Variants in CDIN1 observed in about 807,000 individuals in gnomAD.
The protein encoded by CDIN1 is CDAN1 interacting nuclease 1.
In CDIN1, 33 loss-of-function variants were observed where a neutral mutation model predicts 45.3. The ratio of observed to expected loss-of-function variants is 0.73; its 90% CI spans 0.55 to 0.97. The LOEUF is 0.97. Among genes scored for constraint, CDIN1 ranks in the 50% least tolerant of loss-of-function variants. CDIN1 has a pLI of 0.00. For missense variants in CDIN1, 303 were observed against 339.4 expected (o/e 0.89, Z 0.84); for synonymous variants, 118 against 124.4 (o/e 0.95, Z 0.34).
chr15:36,596,515 G>T (rs1371693916), intron 1 of CDIN1, among the ~76,000 whole-genome samples: 1 of 152,022 alleles, frequency 6.6e-6, no homozygotes, highest in Non-Finnish European at 1.5e-5. Context: ...AATTAAGGTA[G>T]TAATTTTTGC....
chr15:36,630,572 C>T (rs2039638294), intron 1 of CDIN1, among the ~76,000 whole-genome samples: 1 of 152,202 alleles, frequency 6.6e-6, no homozygotes, highest in Admixed American at 6.5e-5. Flanking sequence ...ATGCCACCCT[C>T]CCTATTGTTT....
chr15:36,606,989 T>C (rs370832934), intron 1 of CDIN1, among the ~76,000 whole-genome samples: 28 of 152,336 alleles, frequency 1.8e-4, no homozygotes, highest in South Asian at 6.2e-4. Context: ...AGTTGATTTA[T>C]TAACTCTCTA....
At chr15:36,654,326 G>T (rs969123215) in intron 4 of CDIN1, among the ~76,000 whole-genome samples, 168 bp downstream of exon 4, 2 of 152,108 alleles carry the variant, frequency 1.3e-5, no homozygotes, top group African/African-American at 2.4e-5. Flanking sequence ...ATTGGACAAA[G>T]AACTTCACAT....
intron 1 of CDIN1, among the ~76,000 whole-genome samples, chr15:36,632,900 G>A (rs1233614618): frequency 6.6e-6 from 1 of 152,204 alleles, no homozygotes; most frequent in African/African-American, 2.4e-5. Flanking sequence ...GAAATTAAGT[G>A]TCACACAAGC....
intron 10 of CDIN1, among the ~76,000 whole-genome samples, chr15:36,773,089 G>GA (rs1001589207): frequency 6.6e-6 from 1 of 151,964 alleles, no homozygotes; most frequent in East Asian, 1.9e-4. Flanking sequence ...GGAGGTTCAG[G>GA]AAAAAAATAT....
chr15:36,681,957 C>T (rs950092453), intron 5 of CDIN1, among the ~76,000 whole-genome samples: 2 of 151,916 alleles, frequency 1.3e-5, no homozygotes, highest in African/African-American at 4.8e-5. Flanking sequence ...AGAAGCAATG[C>T]TGAAAAAGGA....
At chr15:36,621,579 A>G (rs2039193896) in intron 1 of CDIN1, among the ~76,000 whole-genome samples, 1 of 152,146 alleles carries the variant, frequency 6.6e-6, no homozygotes, top group South Asian at 2.1e-4. Context: ...TAGGTCCTTT[A>G]AAAAAATGTA....
intron 1 of CDIN1, among the ~76,000 whole-genome samples, chr15:36,581,721 T>G (rs1037479): frequency 0.47 from 70,642 of 151,806 alleles, 16,796 homozygotes; most frequent in Admixed American, 0.55. Flanking sequence ...CTAATAAAAA[T>G]CCAAAAAATT....
At chr15:36,651,151 C>T (rs1003165175) in intron 3 of CDIN1, among the ~76,000 whole-genome samples, 1 of 151,898 alleles carries the variant, frequency 6.6e-6, no homozygotes, top group Non-Finnish European at 1.5e-5. Flanking sequence ...ATGAATTCTC[C>T]TGGGCATTAG....
chr15:36,701,520 G>A (rs992334794), intron 8 of CDIN1, among the ~76,000 whole-genome samples: 2 of 152,036 alleles, frequency 1.3e-5, no homozygotes, highest in African/African-American at 4.8e-5. Context: ...ATGAAAGAGC[G>A]CATACAAAAG....
chr15:36,627,461 G>A (rs1245294449), intron 1 of CDIN1: 3 of 157,266 alleles, frequency 1.9e-5, no homozygotes, highest in Middle Eastern at 1.2e-3. Flanking sequence ...AGTCACGCCC[G>A]CCTTGTCCAG....
At chr15:36,800,923 A>ATATATC (rs2055021027) in intron 10 of CDIN1, among the ~76,000 whole-genome samples, 1 of 100,348 alleles carries the variant, frequency 1.0e-5, no homozygotes, top group Non-Finnish European at 1.9e-5. Context: ...ATATATATAT[A>ATATATC]TATATATATA....
chr15:36,651,158 T>G (rs973735070), intron 3 of CDIN1, among the ~76,000 whole-genome samples: 1 of 152,154 alleles, frequency 6.6e-6, no homozygotes, highest in African/African-American at 2.4e-5. Flanking sequence ...CTCCTGGGCA[T>G]TAGGAATGGA....
chr15:36,673,319 A>G (rs1356112604), intron 5 of CDIN1, among the ~76,000 whole-genome samples: 4 of 152,240 alleles, frequency 2.6e-5, no homozygotes, highest in South Asian at 4.1e-4. Context: ...GAGATTCATC[A>G]TGGAAAATCA....
At chr15:36,746,668 TCC>T (rs1566946711) in intron 10 of CDIN1, among the ~76,000 whole-genome samples, 2 of 48,964 alleles carry the variant, frequency 4.1e-5, no homozygotes, top group African/African-American at 1.1e-4. Context: ...AATATATGGT[TCC>T]ACACACACAC....
At chr15:36,581,060 T>C (rs977068490) in intron 1 of CDIN1, among the ~76,000 whole-genome samples, 2 of 152,244 alleles carry the variant, frequency 1.3e-5, no homozygotes, top group African/African-American at 4.8e-5. Context: ...AGATTTGATT[T>C]AGGGCAATAT....
intron 1 of CDIN1, among the ~76,000 whole-genome samples, chr15:36,596,062 A>G (rs1048689979): frequency 2.0e-5 from 3 of 152,218 alleles, no homozygotes; most frequent in Admixed American, 2.0e-4. Context: ...TTGCCTACAC[A>G]AAAAAGAGGG....
At chr15:36,688,286 G>C (rs1232083800) in intron 5 of CDIN1, among the ~76,000 whole-genome samples, 4 of 151,650 alleles carry the variant, frequency 2.6e-5, no homozygotes, top group African/African-American at 9.7e-5. Flanking sequence ...ATTAATATGA[G>C]ACTATCTAAA....
intron 5 of CDIN1, among the ~76,000 whole-genome samples, chr15:36,671,940 G>A (rs1457984847): frequency 6.6e-6 from 1 of 151,884 alleles, no homozygotes; most frequent in Non-Finnish European, 1.5e-5. Context: ...TTCTTCTAAG[G>A]GATAAAAATG....
Sources: gnomAD v4.1 joint callset for allele counts (sites outside exome capture counted in the v4.1 genomes callset) on GRCh38, gnomAD v4.1.1 for gene constraint, MANE v1.5 for transcripts, NCBI Gene and HGNC (gene_info 2026-07-23, HGNC 2026-07-21) for gene names.